The following IYD variants were observed in gnomAD, a reference collection of about 807,000 sequenced individuals.
IYD encodes the protein iodotyrosine deiodinase 1.
A neutral mutation model predicts 28.4 loss-of-function variants in IYD; 25 were observed. That is an observed-to-expected ratio of 0.88 (90% CI 0.64 to 1.23). The LOEUF (loss-of-function observed/expected upper bound fraction) is 1.23, where lower values mean the gene tolerates loss of function less well. IYD is among the 50% of genes most tolerant of loss of function. The probability of loss-of-function intolerance (pLI) is 0.00; values close to 1 mark genes in which losing one functional copy is unlikely to be tolerated. For missense variants in IYD, 352 were observed against 357.9 expected (o/e 0.98, Z 0.13); for synonymous variants, 140 against 130.8 (o/e 1.07, Z -0.48).
At chr6:150,385,862 A>T (rs1297515901) in intron 1 of IYD, among the ~76,000 whole-genome samples, 3 of 151,912 alleles carry the variant, frequency 2.0e-5, no homozygotes, top group Non-Finnish European at 4.4e-5. Flanking sequence ...TTAGCAGGTT[A>T]TATTTTTAAG....
At chr6:150,376,557 C>A (rs114609540) in intron 1 of IYD, among the ~76,000 whole-genome samples, 1,567 of 152,188 alleles carry the variant, frequency 0.01, 35 homozygotes, top group African/African-American at 0.035. Flanking sequence ...AGGTAAAGTT[C>A]CCCAGGTTGT....
chr6:150,401,664 A>G lies in IYD; in HGVS notation c.*3427A>G. 6.6e-6 allele frequency: 1 copy of G among 152,218 alleles called. No homozygotes were observed. Among genetic ancestry groups the G allele is most frequent in the East Asian group, 1.9e-4 (1 of 5,208 alleles). The allele number at this position is 152,218 out of a possible 1,614,324, so 9.4% of individuals were successfully genotyped here. A position where few individuals can be genotyped will look rare whatever the true frequency, so the allele number is the denominator to read the frequency against. Reference sequence around the variant, plus strand: ...TTTTATGTGTTCATTAAATGCAGTCATGTGACAACTGTGTTCAAAGTTAGA... The same window carrying G: ...TTTTATGTGTTCATTAAATGCAGTCGTGTGACAACTGTGTTCAAAGTTAGA... On this transcript the variant is annotated 3_prime_UTR_variant, in exon 5 of 5. Transcript: ENST00000344419.
chr6:150,375,606 G>GTTC (rs1777417507), intron 1 of IYD, among the ~76,000 whole-genome samples: 1 of 150,682 alleles, frequency 6.6e-6, no homozygotes, highest in Admixed American at 6.7e-5. Context: ...GAACAAGGAA[G>GTTC]TGGGTCAAAG....
At chr6:150,375,844 A>G (rs1052774176) in intron 1 of IYD, among the ~76,000 whole-genome samples, 1 of 152,164 alleles carries the variant, frequency 6.6e-6, no homozygotes, top group African/African-American at 2.4e-5. Flanking sequence ...ATCACTCCTC[A>G]AGGCTTCCAA....
At chr6:150,388,981 C>T (rs549557449) in intron 1 of IYD, among the ~76,000 whole-genome samples, 6 of 152,190 alleles carry the variant, frequency 3.9e-5, no homozygotes, top group South Asian at 2.1e-4. Context: ...GGATTATAGG[C>T]GTAAGCCACC....
intron 1 of IYD, among the ~76,000 whole-genome samples, chr6:150,385,975 C>T (rs1777849127): frequency 6.6e-6 from 1 of 151,816 alleles, no homozygotes; most frequent in East Asian, 1.9e-4. Context: ...CCTCCTTTTT[C>T]ATTCCTGATA....
chr6:150,377,446 C>T (rs936403495), intron 1 of IYD, among the ~76,000 whole-genome samples: 3 of 152,220 alleles, frequency 2.0e-5, no homozygotes, highest in Admixed American at 2.0e-4. Context: ...TATAGACCTT[C>T]TGCCCTGTGA....
rs1778026264 is a variant in IYD, at chr6:150,389,466, A to G, written c.293A>G (p.Asn98Ser). Residue 98 changes from asparagine (N) to serine (S), a missense_variant, in exon 2 of 5, where the codon AAT becomes AGT. Asn to Ser is a conservative substitution (Grantham distance 46). Transcript: ENST00000344419. ...KRSQEFYELLNKRRSVRFISN... is the reference protein window; with the variant it reads ...KRSQEFYELLSKRRSVRFISN... ...TCTCAGGAATTTTATGAACTTCTCA[A>G]TAAGAGACGGTCAGTCAGGTTCATA... is the stretch of plus-strand genomic sequence containing the variant. 3 of 1,613,828 alleles carry G rather than the reference A, an allele frequency of 1.9e-6. No homozygotes were observed. Among genetic ancestry groups the G allele is most frequent in the South Asian group, 2.2e-5 (2 of 91,070 alleles).
chr6:150,381,597 A>G (rs1368078062), intron 1 of IYD, among the ~76,000 whole-genome samples: 2 of 152,214 alleles, frequency 1.3e-5, no homozygotes, highest in African/African-American at 4.8e-5. Context: ...ATAAACACCC[A>G]TATGTCCTTC....
intron 1 of IYD, among the ~76,000 whole-genome samples, chr6:150,383,815 CAAAAACA>C (rs1562315067): frequency 2.0e-3 from 73 of 36,054 alleles, no homozygotes; most frequent in African/African-American, 6.5e-3. Context: ...AAAACAAAAA[CAAAAACA>C]AAAAAAATTA....
intron 3 of IYD, among the ~76,000 whole-genome samples, chr6:150,392,770 C>A (rs1778172055): frequency 6.6e-6 from 1 of 152,160 alleles, no homozygotes; most frequent in African/African-American, 2.4e-5. Context: ...TGGTAAAATT[C>A]TTCTCAAGAT....
chr6:150,369,350 T>C, intron 1 of IYD, 141 bp downstream of exon 1: 2 of 799,858 alleles, frequency 2.5e-6, no homozygotes, highest in Non-Finnish European at 4.1e-6. Context: ...AATGAATCAG[T>C]GCTTGGCACA....
At chr6:150,396,533 C>T in intron 4 of IYD, 1 of 678,076 alleles carries the variant, frequency 1.5e-6, no homozygotes, top group Non-Finnish European at 2.6e-6. Context: ...TGAAAAGGAC[C>T]AAGATATAAA....
At chr6:150,383,983 G>T (rs1373179503) in intron 1 of IYD, among the ~76,000 whole-genome samples, 1 of 152,062 alleles carries the variant, frequency 6.6e-6, no homozygotes, top group Non-Finnish European at 1.5e-5. Flanking sequence ...TTTTGGGGAG[G>T]TTGTCAATGA....
intron 1 of IYD, among the ~76,000 whole-genome samples, chr6:150,385,682 G>A (rs1777837332): frequency 6.6e-6 from 1 of 151,818 alleles, no homozygotes; most frequent in Non-Finnish European, 1.5e-5. Context: ...CCCTACTTAT[G>A]TTTGGTATCA....
In IYD at chr6:150,399,088, A is replaced by G. The variant is rs1778428645; in HGVS notation, c.*851A>G. ...TACTAAAATGTCACCTTCACAGAAC[A>G]GGACAGGGTACCCTTGGGTCGCACG... On this transcript the variant is annotated 3_prime_UTR_variant, in exon 5 of 5. Coordinates refer to ENST00000344419, the MANE Select transcript of IYD (RefSeq NM_203395.3). 6.6e-6 allele frequency: 1 copy of G among 152,344 alleles called. No homozygotes were observed. The highest frequency in any genetic ancestry group is 1.5e-5 in the Non-Finnish European group (1 of 68,146). The allele number at this position is 152,344 out of a possible 1,614,324, so 9.4% of individuals were successfully genotyped here.
intron 1 of IYD, among the ~76,000 whole-genome samples, chr6:150,374,526 T>C (rs1777375192): frequency 6.6e-6 from 1 of 152,200 alleles, no homozygotes. Flanking sequence ...AGGCATAGCC[T>C]ACGTGGTGGC....
In IYD at chr6:150,398,245, C is replaced by T. The variant is rs1005538229; in HGVS notation, c.*8C>T. The T allele has an allele frequency of 6.2e-7, 1 of 1,613,730 alleles. No homozygotes were observed. The highest frequency in any genetic ancestry group is 1.3e-5 in the African/African-American group (1 of 74,882). On this transcript the variant is annotated 3_prime_UTR_variant, in exon 5 of 5. Coordinates refer to ENST00000344419, the MANE Select transcript of IYD (RefSeq NM_203395.3). ...ATCATGGTGACAGTGTAGGCAGGGC[C>T]CCCCAAGGGAGTGGCAGGGAGATGG... is the stretch of plus-strand genomic sequence containing the variant.
intron 1 of IYD, among the ~76,000 whole-genome samples, 179 bp downstream of exon 1, chr6:150,369,388 C>T (rs902371037): frequency 6.6e-5 from 10 of 152,122 alleles, no homozygotes; most frequent in African/African-American, 9.7e-5. Context: ...CAGTGATGAG[C>T]TTGTCACCTG....
Sources: gnomAD v4.1 joint callset for allele counts (sites outside exome capture counted in the v4.1 genomes callset) on GRCh38, gnomAD v4.1.1 for gene constraint, MANE v1.5 for transcripts, NCBI Gene and HGNC (gene_info 2026-07-23, HGNC 2026-07-21) for gene names.